Variants in ADCK1 observed in about 807,000 individuals in gnomAD.
ADCK1 encodes the protein aarF domain containing kinase 1.
In ADCK1, 41 loss-of-function variants were observed where a neutral mutation model predicts 52.3. That is an observed-to-expected ratio of 0.78 (90% confidence interval 0.61 to 1.02). The LOEUF (loss-of-function observed/expected upper bound fraction) is 1.02. ADCK1 is among the 50% of genes least tolerant of loss of function. The pLI is 0.00. For missense variants in ADCK1, 658 were observed against 679.5 expected (o/e 0.97, Z 0.35); for synonymous variants, 250 against 274.6 (o/e 0.91, Z 0.89).
chr14:77,857,437 C>A (rs3783970), intron 3 of ADCK1, among the ~76,000 whole-genome samples: 57,649 of 151,918 alleles, frequency 0.38, 11,721 homozygotes, highest in Admixed American at 0.51. Flanking sequence ...TAAATATAGT[C>A]ATTCTCCTCT....
At chr14:77,851,142 G>A (rs1374713287) in intron 3 of ADCK1, among the ~76,000 whole-genome samples, 11 of 148,532 alleles carry the variant, frequency 7.4e-5, no homozygotes, top group South Asian at 4.2e-4. Flanking sequence ...TTTTGAGACA[G>A]AGTCTTGCTC....
intron 3 of ADCK1, among the ~76,000 whole-genome samples, 176 bp downstream of exon 3, chr14:77,822,694 C>T (rs558927016): frequency 1.5e-4 from 23 of 152,228 alleles, no homozygotes; most frequent in Non-Finnish European, 2.6e-4. Context: ...CACGAAGCTT[C>T]CTGTGTACAG....
chr14:77,877,399 C>T (rs1654646582), intron 4 of ADCK1, among the ~76,000 whole-genome samples: 1 of 152,196 alleles, frequency 6.6e-6, no homozygotes, highest in Non-Finnish European at 1.5e-5. Flanking sequence ...GCAGGAACAA[C>T]TGAGGGTTGT....
intron 7 of ADCK1, among the ~76,000 whole-genome samples, chr14:77,909,079 C>T (rs1034065700): frequency 6.6e-6 from 1 of 150,538 alleles, no homozygotes; most frequent in Admixed American, 6.6e-5. Flanking sequence ...ATGTTCTGCC[C>T]TCTGGGATGG....
intron 1 of ADCK1, among the ~76,000 whole-genome samples, chr14:77,805,987 C>CTTTTTTTTTTTTTTTT (rs530925697): frequency 1.1e-5 from 1 of 87,676 alleles, no homozygotes. Context: ...ATTCTTACGG[C>CTTTTTTTTTTTTTTTT]TTTTTTTTTT....
At chr14:77,929,461 C>G (rs2084272824) in intron 9 of ADCK1, among the ~76,000 whole-genome samples, 1 of 152,116 alleles carries the variant, frequency 6.6e-6, no homozygotes, top group South Asian at 2.1e-4. Context: ...GCAAGAAAAC[C>G]TTTTTTAGAA....
intron 6 of ADCK1, among the ~76,000 whole-genome samples, chr14:77,905,854 C>CT (rs1423099952): frequency 6.6e-6 from 1 of 152,124 alleles, no homozygotes; most frequent in African/African-American, 2.4e-5. Flanking sequence ...CATGCACTCA[C>CT]TTTTTTAAAA....
At chr14:77,846,038 G>C (rs554737884) in intron 3 of ADCK1, among the ~76,000 whole-genome samples, 2 of 152,286 alleles carry the variant, frequency 1.3e-5, no homozygotes, top group South Asian at 4.2e-4. Context: ...TGGTTTGGGT[G>C]TGTGATGCAG....
At chr14:77,865,079 C>T (rs560263305) in intron 4 of ADCK1, among the ~76,000 whole-genome samples, 36 of 151,278 alleles carry the variant, frequency 2.4e-4, no homozygotes, top group South Asian at 4.2e-4. Flanking sequence ...CACAGGAGTT[C>T]GAGACAAACC....
intron 6 of ADCK1, among the ~76,000 whole-genome samples, chr14:77,906,015 G>C (rs999099452): frequency 4.6e-5 from 7 of 152,206 alleles, no homozygotes; most frequent in African/African-American, 1.4e-4. Flanking sequence ...TGGAAACTTT[G>C]TTCCAACTAG....
intron 6 of ADCK1, among the ~76,000 whole-genome samples, chr14:77,906,426 T>C (rs373649515): frequency 7.9e-5 from 12 of 152,346 alleles, no homozygotes; most frequent in East Asian, 5.8e-4. Flanking sequence ...GGTTGCATTC[T>C]AGTCTCTTGC....
intron 10 of ADCK1, among the ~76,000 whole-genome samples, chr14:77,932,243 T>G (rs1225321089): frequency 6.6e-6 from 1 of 152,102 alleles, no homozygotes; most frequent in Non-Finnish European, 1.5e-5. Flanking sequence ...GAGACGGGGT[T>G]TCACCGTGTT....
chr14:77,899,771 CA>C (rs1420956591), intron 6 of ADCK1, among the ~76,000 whole-genome samples: 1 of 152,052 alleles, frequency 6.6e-6, no homozygotes, highest in African/African-American at 2.4e-5. Flanking sequence ...GCACAACACT[CA>C]AAAAAATTCA....
chr14:77,800,477 C>A (rs992099134), intron 1 of ADCK1, among the ~76,000 whole-genome samples: 6 of 152,278 alleles, frequency 3.9e-5, no homozygotes, highest in Admixed American at 1.3e-4. Flanking sequence ...CTTGCAGGCA[C>A]CCGAGTGGGC....
At chr14:77,802,676 C>T (rs1279429918) in intron 1 of ADCK1, among the ~76,000 whole-genome samples, 10 of 152,088 alleles carry the variant, frequency 6.6e-5, no homozygotes, top group African/African-American at 2.4e-4. Context: ...CCTAGCCGGG[C>T]GCGGTGGCTC....
chr14:77,834,914 A>G (rs2017927), intron 3 of ADCK1, among the ~76,000 whole-genome samples: 128,319 of 152,194 alleles, frequency 0.84, 54,272 homozygotes, highest in Middle Eastern at 0.93. Flanking sequence ...GTTTCAGCCT[A>G]CCCTTGCCCA....
At chr14:77,930,021 C>T (rs376693316) in intron 9 of ADCK1, among the ~76,000 whole-genome samples, 33 of 152,146 alleles carry the variant, frequency 2.2e-4, no homozygotes, top group African/African-American at 7.7e-4. Context: ...ACTGCAGACA[C>T]CCACCATCAG....
chr14:77,843,058 T>TA (rs1183207024), intron 3 of ADCK1, among the ~76,000 whole-genome samples: 1 of 151,968 alleles, frequency 6.6e-6, no homozygotes, highest in Non-Finnish European at 1.5e-5. Flanking sequence ...CCTAACTAAT[T>TA]AAAAAATTTT....
chr14:77,850,805 C>G (rs2082269466), intron 3 of ADCK1, among the ~76,000 whole-genome samples: 1 of 151,760 alleles, frequency 6.6e-6, no homozygotes, highest in Admixed American at 6.6e-5. Flanking sequence ...TGCCCGCCAC[C>G]ACGCCTGGCT....
Sources: gnomAD v4.1 joint callset for allele counts (sites outside exome capture counted in the v4.1 genomes callset) on GRCh38, gnomAD v4.1.1 for gene constraint, MANE v1.5 for transcripts, NCBI Gene and HGNC (gene_info 2026-07-23, HGNC 2026-07-21) for gene names.